The following CHN1 variants were observed in gnomAD, a reference collection of about 807,000 sequenced individuals.
CHN1 encodes the protein N-chimaerin.
Under a neutral mutation model 59.5 loss-of-function variants are expected in CHN1, and 37 were observed. The observed-to-expected ratio is 0.62, with a 90% CI of 0.48 to 0.82. The LOEUF (loss-of-function observed/expected upper bound fraction) is 0.82. CHN1 is among the 40% of genes least tolerant of loss of function. The pLI is 0.00. For missense variants in CHN1, 469 were observed against 571.0 expected, an observed-to-expected ratio of 0.82 and a Z score of 1.82; for synonymous variants, 206 against 200.4, an observed-to-expected ratio of 1.03 and a Z score of -0.24.
intron 1 of CHN1, among the ~76,000 whole-genome samples, chr2:174,968,783 G>A (rs937228026): frequency 6.6e-6 from 1 of 152,172 alleles, no homozygotes; most frequent in Non-Finnish European, 1.5e-5. Flanking sequence ...ACAAAGGTCC[G>A]TATTTTCTCA....
At chr2:174,857,843 C>G (rs1379390721) in intron 6 of CHN1, among the ~76,000 whole-genome samples, 2 of 152,170 alleles carry the variant, frequency 1.3e-5, no homozygotes, top group Non-Finnish European at 2.9e-5. Flanking sequence ...CAGAGAAGGT[C>G]TAACACTTTG....
rs904899968 is a variant in CHN1, at chr2:174,827,686, ACG to A, written c.628-3170_628-3169del. ...GCTATGGCAGTCACCCAGACAACAG[ACG>A]ATATGGAGCTGAACTCGGGCAGTGG... On this transcript the variant is annotated intron_variant, in intron 7 of 12. Transcript: ENST00000409900. Among the ~76,000 whole-genome samples, 73 of 152,308 alleles carry A rather than the reference ACG, an allele frequency of 4.8e-4. 2 individuals carry two copies. The highest frequency in any genetic ancestry group is 1.2e-3 in the Admixed American group (18 of 15,296).
At chr2:174,885,817 T>C (rs1341439657) in intron 5 of CHN1, among the ~76,000 whole-genome samples, 1 of 152,206 alleles carries the variant, frequency 6.6e-6, no homozygotes, top group African/African-American at 2.4e-5. Flanking sequence ...TGCTACCTAC[T>C]ATGTTTCATT....
chr2:174,950,528 T>C (rs1689991642), intron 2 of CHN1, among the ~76,000 whole-genome samples: 1 of 151,528 alleles, frequency 6.6e-6, no homozygotes, highest in Non-Finnish European at 1.5e-5. Context: ...TCCCAAAGTG[T>C]TGGGATTACA....
At chr2:174,929,558 A>G (rs1256722097) in intron 3 of CHN1, among the ~76,000 whole-genome samples, 1 of 151,826 alleles carries the variant, frequency 6.6e-6, no homozygotes, top group Non-Finnish European at 1.5e-5. Flanking sequence ...AGCCTGGGTG[A>G]CAGAGTGAGA....
chr2:174,888,164 C>T lies in CHN1; in HGVS notation c.261-10036G>A, dbSNP rs143993174. Among the ~76,000 whole-genome samples, 304 of 152,284 alleles carry T rather than the reference C, an allele frequency of 2.0e-3. 1 individual carries two copies. The highest frequency in any genetic ancestry group is 4.0e-3 in the Non-Finnish European group (269 of 68,016). ...TAGGTACCATCTCTAAAAATCAAAA[C>T]ACTTGAGTCATAAATACATTTTTTC... On this transcript the variant is annotated intron_variant, in intron 5 of 12. Transcript: ENST00000409900.
At position 174,969,120 on chromosome 2, in the gene CHN1, G is replaced by A. The variant is rs542134384; in HGVS notation, c.20-16918C>T. Among the ~76,000 whole-genome samples the A allele has an allele frequency of 2.0e-5, 3 of 152,220 alleles. No homozygotes were observed. In the East Asian group the frequency reaches 5.8e-4, roughly 29 times the overall value. Reference sequence around the variant, plus strand: ...GCATTCCAGCACAAATCTGTCCCAAGGGTTTTGGATAAGGGATTACAGACC... The same window carrying A: ...GCATTCCAGCACAAATCTGTCCCAAAGGTTTTGGATAAGGGATTACAGACC... On this transcript the variant is annotated intron_variant, in intron 1 of 12. Coordinates refer to ENST00000409900, the MANE Select transcript of CHN1 (RefSeq NM_001822.7).
At chr2:174,811,697 GT>G in intron 9 of CHN1, 109 bp from the exon 10 acceptor site, 1 of 625,448 alleles carries the variant, frequency 1.6e-6, no homozygotes, top group Non-Finnish European at 2.7e-6. Context: ...AAATATACAT[GT>G]TTAGAAATCT....
At position 174,971,174 on chromosome 2, in the gene CHN1, C is replaced by T. The variant is rs1004811225; in HGVS notation, c.20-18972G>A. 3.3e-5 allele frequency among the ~76,000 whole-genome samples: 5 copies of T among 152,074 alleles called. No homozygotes were observed. In the South Asian group the frequency reaches 6.2e-4, roughly 19 times the overall value. On this transcript the variant is annotated intron_variant, in intron 1 of 12. Coordinates refer to ENST00000409900, the MANE Select transcript of CHN1 (RefSeq NM_001822.7). The stretch of plus-strand genomic sequence containing the variant: ...TCTACTAAAAATACAAAAAATAAGC[C>T]GAGCATGGTGGTGGGTGCCTGTAGT...
chr2:174,973,714 A>G (rs1690832350), intron 1 of CHN1, among the ~76,000 whole-genome samples: 1 of 152,168 alleles, frequency 6.6e-6, no homozygotes, highest in South Asian at 2.1e-4. Flanking sequence ...CAGCGGTGAG[A>G]AGTGTGGGCC....
intron 7 of CHN1, among the ~76,000 whole-genome samples, chr2:174,833,328 T>C (rs370349555): frequency 2.5e-4 from 38 of 152,340 alleles, no homozygotes; most frequent in Admixed American, 6.5e-4. Flanking sequence ...ATATTCCTTG[T>C]TCAAAAATTG....
intron 1 of CHN1, among the ~76,000 whole-genome samples, chr2:174,972,524 G>C (rs1250323709): frequency 1.3e-5 from 2 of 152,102 alleles, no homozygotes; most frequent in Non-Finnish European, 2.9e-5. Flanking sequence ...ACTTTGTTGG[G>C]GATGATTAAT....
At chr2:174,817,133 A>C (rs1388318906) in intron 8 of CHN1, among the ~76,000 whole-genome samples, 1 of 152,100 alleles carries the variant, frequency 6.6e-6, no homozygotes, top group East Asian at 1.9e-4. Flanking sequence ...TCAAAGTTAT[A>C]TTTTCCATTA....
intron 7 of CHN1, among the ~76,000 whole-genome samples, chr2:174,832,487 T>C (rs535455737): frequency 6.6e-6 from 1 of 152,206 alleles, no homozygotes; most frequent in East Asian, 1.9e-4. Flanking sequence ...CCACATTCTA[T>C]GAATTTTGAT....
intron 1 of CHN1, among the ~76,000 whole-genome samples, chr2:174,967,331 G>C (rs1315815310): frequency 3.3e-5 from 5 of 151,968 alleles, no homozygotes; most frequent in Admixed American, 6.6e-5. Flanking sequence ...ACTCTAGCCT[G>C]GGCAACAGAG....
intron 3 of CHN1, among the ~76,000 whole-genome samples, chr2:174,935,580 G>A (rs1689473434): frequency 6.6e-6 from 1 of 152,126 alleles, no homozygotes; most frequent in Non-Finnish European, 1.5e-5. Flanking sequence ...TGAGTAAAAT[G>A]ATTACAGTCA....
At chr2:174,911,531 A>G (rs572042744) in intron 5 of CHN1, among the ~76,000 whole-genome samples, 12 of 152,342 alleles carry the variant, frequency 7.9e-5, no homozygotes, top group South Asian at 2.1e-4. Context: ...GAGATGGAGC[A>G]TAGGTAGAAA....
At chr2:174,960,180 C>A (rs1690352908) in intron 1 of CHN1, among the ~76,000 whole-genome samples, 1 of 152,108 alleles carries the variant, frequency 6.6e-6, no homozygotes, top group Non-Finnish European at 1.5e-5. Flanking sequence ...CTTCTGCATA[C>A]CTTTAGACCC....
intron 6 of CHN1, among the ~76,000 whole-genome samples, chr2:174,849,982 AAGAC>A (rs1173145179): frequency 6.6e-6 from 1 of 152,246 alleles, no homozygotes; most frequent in African/African-American, 2.4e-5. Flanking sequence ...AATAGATGGT[AAGAC>A]AGACTAGCAG....
Sources: gnomAD v4.1 joint callset for allele counts (sites outside exome capture counted in the v4.1 genomes callset) on GRCh38, gnomAD v4.1.1 for gene constraint, MANE v1.5 for transcripts, NCBI Gene and HGNC (gene_info 2026-07-23, HGNC 2026-07-21) for gene names.